FLRT2: variants seen among roughly 807,000 people sequenced by gnomAD.
FLRT2 encodes fibronectin leucine rich transmembrane protein 2, also known as leucine-rich repeat transmembrane protein FLRT2.
FLRT2 carries 15 observed loss-of-function variants against 40.0 expected under a neutral mutation model. That is an observed-to-expected ratio of 0.38 (90% CI 0.25 to 0.58). FLRT2 has a LOEUF of 0.58. Ranked by LOEUF, FLRT2 falls within the 20% of genes least tolerant of loss-of-function variation. FLRT2 has a pLI of 0.71. For missense variants in FLRT2, 726 were observed against 840.0 expected (o/e 0.86, Z 1.68); for synonymous variants, 380 against 336.8 (o/e 1.13, Z -1.41).
rs1281900910 is a variant in FLRT2 at position 85,530,151 on chromosome 14, C to G, written c.-760C>G. The G allele has an allele frequency of 6.5e-6, 1 of 152,682 alleles. No individual in the cohort carries two copies. The highest frequency in any genetic ancestry group is 2.4e-5 in the African/African-American group (1 of 41,448). 9.5% of individuals were successfully genotyped at this position (152,682 alleles called of 1,614,324 possible). ...GCTGGGTACCTTGTAGTTAGTTGTACGTTCGAAACCTGTCGCCGTCACTTG... is the reference window on the plus strand; with the variant it reads ...GCTGGGTACCTTGTAGTTAGTTGTAGGTTCGAAACCTGTCGCCGTCACTTG... On this transcript the variant is annotated 5_prime_UTR_variant, in exon 1 of 2. Transcript: ENST00000330753.
chr14:85,595,561 G>T (rs1282772073), intron 1 of FLRT2, among the ~76,000 whole-genome samples: 1 of 151,924 alleles, frequency 6.6e-6, no homozygotes, highest in Non-Finnish European at 1.5e-5. Flanking sequence ...ATGTGTATAT[G>T]CACACAGCTA....
At chr14:85,584,112 G>T (rs961436844) in intron 1 of FLRT2, among the ~76,000 whole-genome samples, 17 of 152,144 alleles carry the variant, frequency 1.1e-4, no homozygotes, top group Non-Finnish European at 2.2e-4. Context: ...CAGTGAGTTT[G>T]CAGGCTCAGG....
chr14:85,570,151 C>A (rs1250357469), intron 1 of FLRT2, among the ~76,000 whole-genome samples: 2 of 152,122 alleles, frequency 1.3e-5, no homozygotes, highest in Non-Finnish European at 2.9e-5. Flanking sequence ...ATAAATTGTA[C>A]CCTGGGCTCC....
intron 1 of FLRT2, among the ~76,000 whole-genome samples, chr14:85,587,340 G>A (rs1891668722): frequency 6.6e-6 from 1 of 150,400 alleles, no homozygotes; most frequent in Admixed American, 6.6e-5. Context: ...CATTGTAATT[G>A]GCACTGACAG....
chr14:85,574,376 C>T (rs1016605855), intron 1 of FLRT2, among the ~76,000 whole-genome samples: 4 of 151,934 alleles, frequency 2.6e-5, no homozygotes, highest in African/African-American at 9.7e-5. Flanking sequence ...ACGCAATATT[C>T]GAATCTTGTT....
intron 1 of FLRT2, among the ~76,000 whole-genome samples, chr14:85,582,618 G>A (rs954469253): frequency 6.6e-6 from 1 of 152,088 alleles, no homozygotes; most frequent in Non-Finnish European, 1.5e-5. Flanking sequence ...ATTAAATGAA[G>A]ACATCTCAAA....
intron 1 of FLRT2, among the ~76,000 whole-genome samples, chr14:85,591,824 G>A (rs1311024112): frequency 6.6e-6 from 1 of 152,182 alleles, no homozygotes; most frequent in Non-Finnish European, 1.5e-5. Context: ...GTGAAGTGAG[G>A]TGGTGTTTTG....
chr14:85,629,172 C>G lies in FLRT2; in HGVS notation c.*5675C>G, dbSNP rs961524805. On this transcript the variant is annotated 3_prime_UTR_variant, in exon 2 of 2. Transcript: ENST00000330753. ...CAGTGTCTCAGAGCCTGCATAATCACTTTATACTACTTCATTAAATTGACA... is the reference window on the plus strand; with the variant it reads ...CAGTGTCTCAGAGCCTGCATAATCAGTTTATACTACTTCATTAAATTGACA... The G allele has an allele frequency of 3.9e-5, 6 of 152,152 alleles. No individual in the cohort carries two copies. The highest frequency in any genetic ancestry group is 9.7e-5 in the African/African-American group (4 of 41,436). The allele number at this position is 152,152 out of a possible 1,614,324, so 9.4% of individuals were successfully genotyped here. A position where few individuals can be genotyped will look rare whatever the true frequency, so the allele number is the denominator to read the frequency against.
At chr14:85,574,961 C>G (rs1476799089) in intron 1 of FLRT2, among the ~76,000 whole-genome samples, 1 of 152,146 alleles carries the variant, frequency 6.6e-6, no homozygotes, top group East Asian at 1.9e-4. Flanking sequence ...GGCCATTGTT[C>G]AAGAGCAAAC....
chr14:85,594,972 T>A (rs1166088642), intron 1 of FLRT2, among the ~76,000 whole-genome samples: 1 of 152,156 alleles, frequency 6.6e-6, no homozygotes, highest in African/African-American at 2.4e-5. Context: ...TACATTTACT[T>A]AAGTAAATGT....
At chr14:85,570,620 C>T (rs916958158) in intron 1 of FLRT2, among the ~76,000 whole-genome samples, 7 of 150,784 alleles carry the variant, frequency 4.6e-5, no homozygotes, top group East Asian at 2.0e-4. Flanking sequence ...CTCACTCTGT[C>T]GCCCAGGCTG....
intron 1 of FLRT2, among the ~76,000 whole-genome samples, chr14:85,597,865 A>G (rs573371141): frequency 4.6e-5 from 7 of 152,266 alleles, no homozygotes; most frequent in Non-Finnish European, 1.0e-4. Flanking sequence ...TTCAAATTGT[A>G]TACTGATAGA....
chr14:85,571,286 C>A (rs189835528), intron 1 of FLRT2, among the ~76,000 whole-genome samples: 19 of 152,164 alleles, frequency 1.2e-4, no homozygotes, highest in Admixed American at 1.2e-3. Flanking sequence ...GAAATTATCA[C>A]CTTATATAAT....
At chr14:85,579,044 G>C (rs114939718) in intron 1 of FLRT2, among the ~76,000 whole-genome samples, 2 of 152,170 alleles carry the variant, frequency 1.3e-5, no homozygotes, top group African/African-American at 2.4e-5. Flanking sequence ...GTTTTGAGAC[G>C]ACTGGTGTCT....
chr14:85,603,304 GA>G (rs1485410151), intron 1 of FLRT2, among the ~76,000 whole-genome samples: 1 of 152,034 alleles, frequency 6.6e-6, no homozygotes, highest in East Asian at 1.9e-4. Context: ...GTGTCTATGG[GA>G]AAGAGGAAAG....
chr14:85,587,624 C>A (rs1351759103), intron 1 of FLRT2, among the ~76,000 whole-genome samples: 2 of 151,778 alleles, frequency 1.3e-5, no homozygotes, highest in Non-Finnish European at 2.9e-5. Flanking sequence ...CAAACCCTAC[C>A]GCAGGTTCAG....
chr14:85,554,969 A>T (rs1437730890), intron 1 of FLRT2, among the ~76,000 whole-genome samples: 1 of 152,196 alleles, frequency 6.6e-6, no homozygotes, highest in Non-Finnish European at 1.5e-5. Flanking sequence ...GATCTATAAC[A>T]TCATCTAATA....
At position 85,636,784 on chromosome 14, in the gene FLRT2, C is replaced by T. The variant is rs1894014379; in HGVS notation, c.*13287C>T. 1 of 151,532 alleles carries T rather than the reference C, an allele frequency of 6.6e-6. No homozygotes were observed. The highest frequency in any genetic ancestry group is 2.4e-5 in the African/African-American group (1 of 41,218). The allele number at this position is 151,532 out of a possible 1,614,324, so 9.4% of individuals were successfully genotyped here. Reference sequence around the variant, plus strand: ...CCTTTACTAAAAATACAAAAATTAGCAGGGTATGGTGGCAGGCGCCTGTTA... The same window carrying T: ...CCTTTACTAAAAATACAAAAATTAGTAGGGTATGGTGGCAGGCGCCTGTTA... On this transcript the variant is annotated 3_prime_UTR_variant, in exon 2 of 2. Coordinates refer to ENST00000330753, the MANE Select transcript of FLRT2 (RefSeq NM_013231.6).
At chr14:85,605,118 C>T (rs1445478096) in intron 1 of FLRT2, among the ~76,000 whole-genome samples, 3 of 152,170 alleles carry the variant, frequency 2.0e-5, no homozygotes, top group Non-Finnish European at 4.4e-5. Flanking sequence ...CATCTCAGGC[C>T]TTTCCAGCTA....
Sources: allele counts gnomAD v4.1 joint callset (sites outside exome capture counted in the v4.1 genomes callset), GRCh38; gene constraint gnomAD v4.1.1; transcripts MANE v1.5; gene names NCBI Gene and HGNC (gene_info 2026-07-23, HGNC 2026-07-21).